Variants in MEGF8 observed in about 807,000 individuals in gnomAD.
MEGF8 encodes multiple EGF like domains 8.
In MEGF8, 156 loss-of-function variants were observed where a neutral mutation model predicts 302.9. The observed-to-expected ratio is 0.52, with a 90% CI of 0.45 to 0.59. The LOEUF (loss-of-function observed/expected upper bound fraction) is 0.59. MEGF8 is among the 20% of genes least tolerant of loss of function. The pLI, the probability that MEGF8 is intolerant of heterozygous loss-of-function variation, is 0.00. For missense variants in MEGF8, 3,345 were observed against 3,964.5 expected (o/e 0.84, Z 4.20); for synonymous variants, 1,621 against 1,660.5 (o/e 0.98, Z 0.58).
rs540243963 is a variant in MEGF8, at chr19:42,350,325, C to T, written c.2677C>T (p.Leu893=). Residue 893 remains leucine (L), a synonymous_variant, in exon 15 of 42, where the codon CTG becomes TTG. Transcript: ENST00000251268. ...DDGAGGSLLV[L]VPTLCPLCEE... is the part of the protein sequence containing the mutation. The stretch of plus-strand genomic sequence containing the variant: ...CGGGGCTGGTGGGTCCCTGCTGGTG[C>T]TGGTGCCTACCCTCTGCCCACTCTG... 2 of 1,607,328 alleles carry T rather than the reference C, an allele frequency of 1.2e-6. No homozygotes were observed. Among genetic ancestry groups the T allele is most frequent in the South Asian group, 1.1e-5 (1 of 90,996 alleles).
chr19:42,349,974 A>G (rs941092665), intron 14 of MEGF8, among the ~76,000 whole-genome samples, 174 bp from the exon 15 acceptor site: 1 of 151,960 alleles, frequency 6.6e-6, no homozygotes, highest in Admixed American at 6.6e-5. Context: ...ACTTTGACCT[A>G]TAATAATCTC....
rs759863356 is a variant in MEGF8, at chr19:42,358,993, G to T, written c.5343+39G>T. 5 of 1,583,498 alleles carry T rather than the reference G, an allele frequency of 3.2e-6. No homozygotes were observed. In the South Asian group the frequency reaches 5.7e-5, roughly 18 times the overall value. ...AGGGTTAGGATTGGGTGGGCTGGTA[G>T]GGGGGGATAGGTAGGGAAGTACAGG... On this transcript the variant is annotated intron_variant, in intron 30 of 41. Transcript: ENST00000251268. This position sits in a 1 kb window ranked among gnomAD's most constrained non-coding sequence, Gnocchi z 4.4.
intron 1 of MEGF8, among the ~76,000 whole-genome samples, chr19:42,331,009 G>T (rs545130518): frequency 6.6e-6 from 1 of 152,178 alleles, no homozygotes; most frequent in South Asian, 2.1e-4. Flanking sequence ...GGGCTTTGGG[G>T]CAGGGGAGGG....
chr19:42,371,398 G>A lies in MEGF8; in HGVS notation c.7185G>A (p.Thr2395=), dbSNP rs1399494629. 29 of 1,613,804 alleles carry A rather than the reference G, an allele frequency of 1.8e-5. No homozygotes were observed. The highest frequency in any genetic ancestry group is 2.4e-5 in the Non-Finnish European group (28 of 1,179,882). ...ACACATGTAACGAGCAGGATGGGAC[G>A]GGCTGTCCATGTCAGAATAACACAG... ...HADTCNEQDG[T]GCPCQNNTET... The change falls in exon 41 of 42, where the codon ACG becomes ACA. Residue 2395 remains threonine, a synonymous_variant. Transcript: ENST00000251268.
chr19:42,366,625 C>T (rs954215675), intron 35 of MEGF8, among the ~76,000 whole-genome samples: 2 of 152,196 alleles, frequency 1.3e-5, no homozygotes, highest in African/African-American at 4.8e-5. Context: ...CATTGAGCAC[C>T]TTCTTTCTGC....
rs919360266 is a variant in MEGF8 at position 42,352,743 on chromosome 19, G to A, written c.3351-185G>A. On this transcript the variant is annotated intron_variant, in intron 19 of 41. Coordinates refer to ENST00000251268, the MANE Select transcript of MEGF8 (RefSeq NM_001271938.2). This position sits in a 1 kb window ranked among gnomAD's most constrained non-coding sequence, Gnocchi z 4.4. ...AAAGAGGTTTTCACAGTGGTGCTAT[G>A]TGGTTGCTATAGAGACAGGCTTGGT... The A allele has an allele frequency of 6.3e-6, 4 of 636,636 alleles. No homozygotes were observed. The highest frequency in any genetic ancestry group is 5.5e-5 in the African/African-American group (3 of 54,614). The allele number at this position is 636,636 out of a possible 1,614,324, so 39.4% of individuals were successfully genotyped here. A position where few individuals can be genotyped will look rare whatever the true frequency, so the allele number is the denominator to read the frequency against.
intron 35 of MEGF8, among the ~76,000 whole-genome samples, chr19:42,365,942 C>T (rs989336545): frequency 2.6e-5 from 4 of 151,740 alleles, no homozygotes; most frequent in African/African-American, 9.7e-5. Context: ...ATTAACCAGG[C>T]ATGGTGGCAG....
At chr19:42,363,929 T>C (rs1676214) in intron 35 of MEGF8, among the ~76,000 whole-genome samples, 9,385 of 152,322 alleles carry the variant, frequency 0.062, 363 homozygotes, top group South Asian at 0.16. Context: ...CCAGTCTAGA[T>C]GCCTTCTAAT....
At chr19:42,331,445 G>C (rs1230033648) in intron 1 of MEGF8, among the ~76,000 whole-genome samples, 3 of 152,210 alleles carry the variant, frequency 2.0e-5, no homozygotes, top group African/African-American at 7.2e-5. Flanking sequence ...TGCCTGTTCA[G>C]AAGGCTTCTC....
In MEGF8 at chr19:42,375,568, T is replaced by C. The variant is rs1301416363; in HGVS notation, c.7331T>C (p.Leu2444Pro). The C allele has an allele frequency of 1.9e-6, 3 of 1,596,378 alleles. No homozygotes were observed. Among genetic ancestry groups the C allele is most frequent in the Admixed American group, 1.7e-5 (1 of 57,532 alleles). Reference protein sequence around the residue: ...SPLGGQQCYRLISVEQECCLD... With the variant: ...SPLGGQQCYRPISVEQECCLD... ...CTGGGCGGCCAGCAGTGCTACCGCC[T>C]CATCTCGGTGGAGCAGGAGTGCTGC... The change falls in exon 42 of 42, where the codon CTC becomes CCC. Residue 2444 changes from leucine to proline, a missense_variant. Physicochemically the swap from Leu to Pro is moderately conservative, Grantham distance 98 (BLOSUM62 -3). Transcript: ENST00000251268. This position sits in a 1 kb window ranked among gnomAD's most constrained non-coding sequence, Gnocchi z 7.1.
At position 42,356,337 on chromosome 19, in the gene MEGF8, C is replaced by T; in HGVS notation, c.4506C>T (p.Asp1502=). ...CCAATGTCCGCACCCACCCCTAGGA[C>T]ACTGCCAGCCGCTTCCTGCACCGCC... ...ETLMDSRLSA[D]TASRFLHRLG... Residue 1502 remains aspartate, a splice_region_variant and synonymous_variant, in exon 26 of 42, where the codon GAC becomes GAT. Transcript: ENST00000251268. The surrounding 1 kb of genome is among the most constrained non-coding windows in gnomAD (Gnocchi z 5.2). The T allele has an allele frequency of 6.2e-7, 1 of 1,611,670 alleles. No homozygotes were observed. The highest frequency in any genetic ancestry group is 2.2e-5 in the East Asian group (1 of 44,840).
At chr19:42,329,358 TAGG>T (rs1326001651) in intron 1 of MEGF8, among the ~76,000 whole-genome samples, 5 of 152,076 alleles carry the variant, frequency 3.3e-5, no homozygotes, top group Non-Finnish European at 5.9e-5. Context: ...AGTTCCTAAC[TAGG>T]GCAGGGGCTT....
rs2039337338 is a variant in MEGF8 at position 42,349,476 on chromosome 19, CCTATCA to C, written c.2299-20_2299-15del. 1 of 1,602,010 alleles carries C rather than the reference CCTATCA, an allele frequency of 6.2e-7. No homozygotes were observed. The highest frequency in any genetic ancestry group is 1.3e-5 in the African/African-American group (1 of 74,618). On this transcript the variant is annotated splice_polypyrimidine_tract_variant and intron_variant, in intron 13 of 41. Transcript: ENST00000251268. The stretch of plus-strand genomic sequence containing the variant: ...AATGGGAAGGGTTCTGAGGCCCCTG[CCTATCA>C]CTCACACCTACCCCAGGAGGAGGTG...
chr19:42,337,118 G>A lies in MEGF8; in HGVS notation c.1425G>A (p.Lys475=), dbSNP rs1286413982. The A allele has an allele frequency of 1.2e-6, 2 of 1,614,038 alleles. No individual in the cohort carries two copies. The highest frequency in any genetic ancestry group is 2.2e-5 in the South Asian group (2 of 91,088). Residue 475 remains lysine (K), a synonymous_variant, in exon 8 of 42, where the codon AAG becomes AAA. Transcript: ENST00000251268. The part of the protein sequence containing the change: ...GNVHTHYQEE[K]CYEDGIFFYH... ...TGCACACCCATTACCAGGAGGAAAA[G>A]TGCTACGAAGATGGCATCTTCTTCT...
rs748260455 is a variant in MEGF8, at chr19:42,376,063, C to T, written c.7826C>T (p.Ser2609Leu). 8 of 1,604,464 alleles carry T rather than the reference C, an allele frequency of 5.0e-6. No individual in the cohort carries two copies. Among genetic ancestry groups the T allele is most frequent in the Admixed American group, 3.3e-5 (2 of 59,894 alleles). Reference sequence around the variant, plus strand: ...CCACACGAGCACCATGCCCTCAAGTCGAGCCGCTTCTACCTGCTGCTGCTG... The same window carrying T: ...CCACACGAGCACCATGCCCTCAAGTTGAGCCGCTTCTACCTGCTGCTGCTG... ...TYPHEHHALK[S>L]SRFYLLLLGV... Residue 2609 changes from serine (S) to leucine (L), a missense_variant, in exon 42 of 42, where the codon TCG becomes TTG. Physicochemically the swap from Ser to Leu is moderately radical, Grantham distance 145 (BLOSUM62 -2). Transcript: ENST00000251268. The surrounding 1 kb of genome is among the most constrained non-coding windows in gnomAD (Gnocchi z 8.2).
Position 42,357,287 on chromosome 19 carries a change from G to T in MEGF8, c.4831-117G>T. ...CAGGCTGGTCCGACTGGCCCTGGGG[G>T]GGTCATTCCCTCCTTAGTACTTCAG... On this transcript the variant is annotated intron_variant, in intron 27 of 41. Transcript: ENST00000251268. The surrounding 1 kb of genome is among the most constrained non-coding windows in gnomAD (Gnocchi z 5.2). 7.8e-7 allele frequency: 1 copy of T among 1,286,514 alleles called. No individual in the cohort carries two copies. Among genetic ancestry groups the T allele is most frequent in the Non-Finnish European group, 1.1e-6 (1 of 929,850 alleles). 79.7% of individuals were successfully genotyped at this position (1,286,514 alleles called of 1,614,324 possible).
Position 42,376,364 on chromosome 19 carries a change from TGCCCCGGCCTCC to T in MEGF8, c.8131_8142del (p.Pro2711_Ala2714del). The T allele has an allele frequency of 1.2e-6, 2 of 1,613,366 alleles. No homozygotes were observed. Among genetic ancestry groups the T allele is most frequent in the Non-Finnish European group, 1.7e-6 (2 of 1,179,786 alleles). On this transcript the variant is annotated inframe_deletion, in exon 42 of 42. Transcript: ENST00000251268. The surrounding 1 kb of genome is among the most constrained non-coding windows in gnomAD (Gnocchi z 8.2). ...CCGTCTGCTTCCCACCTGACCCTAC[TGCCCCGGCCTCC>T]GCCTGGAAGCCGGCTGGGCTCCCAC...
chr19:42,362,614 G>T lies in MEGF8; in HGVS notation c.6058+17G>T. ...AGAGGACAGGTGAGCAGTGGGCCTA[G>T]TTCCTGAGAGGGGAGTCTTGGGGCC... is the stretch of plus-strand genomic sequence containing the variant. On this transcript the variant is annotated intron_variant, in intron 34 of 41. Coordinates refer to ENST00000251268, the MANE Select transcript of MEGF8 (RefSeq NM_001271938.2). The T allele has an allele frequency of 6.2e-7, 1 of 1,608,590 alleles. No homozygotes were observed.
At chr19:42,337,844 C>T (rs2039153202) in intron 8 of MEGF8, among the ~76,000 whole-genome samples, 1 of 151,614 alleles carries the variant, frequency 6.6e-6, no homozygotes, top group Admixed American at 6.6e-5. Context: ...CGCTCCGTCG[C>T]CCGGGCTAGA....
Sources: allele counts gnomAD v4.1 joint callset (sites outside exome capture counted in the v4.1 genomes callset), GRCh38; gene constraint gnomAD v4.1.1; non-coding constraint Gnocchi (gnomAD v3.1); transcripts MANE v1.5; gene names NCBI Gene and HGNC (gene_info 2026-07-23, HGNC 2026-07-21).